Variants in OPCML observed in about 807,000 individuals in gnomAD.
OPCML encodes the protein opioid binding protein/cell adhesion molecule like.
In OPCML, 13 loss-of-function variants were observed where a neutral mutation model predicts 37.8. The ratio of observed to expected loss-of-function variants is 0.34; its 90% CI spans 0.22 to 0.55. OPCML has a LOEUF of 0.55. Ranked by LOEUF, OPCML falls within the 20% of genes least tolerant of loss-of-function variation. OPCML has a pLI of 0.91. For synonymous variants in OPCML, 176 were observed against 168.8 expected, an observed-to-expected ratio of 1.04 and a Z score of -0.33; for missense variants, 341 against 435.6, an observed-to-expected ratio of 0.78 and a Z score of 1.93.
chr11:132,849,698 C>A (rs1392198222), intron 2 of OPCML, among the ~76,000 whole-genome samples: 1 of 152,142 alleles, frequency 6.6e-6, no homozygotes, highest in African/African-American at 2.4e-5. Flanking sequence ...GCAGAGGGAC[C>A]AGTAAGTAGA....
At chr11:133,464,375 C>G (rs1946928353) in intron 1 of OPCML, among the ~76,000 whole-genome samples, 1 of 152,058 alleles carries the variant, frequency 6.6e-6, no homozygotes, top group African/African-American at 2.4e-5. Flanking sequence ...CAAAATAGAG[C>G]TTTCAGTCAA....
At chr11:132,713,526 A>C (rs911163515) in intron 2 of OPCML, among the ~76,000 whole-genome samples, 1 of 152,266 alleles carries the variant, frequency 6.6e-6, no homozygotes, top group Admixed American at 6.5e-5. Context: ...AGGATCTTAT[A>C]GAAAACTTCA....
At chr11:132,941,555 A>G (rs1945578188) in intron 2 of OPCML, among the ~76,000 whole-genome samples, 1 of 152,180 alleles carries the variant, frequency 6.6e-6, no homozygotes, top group South Asian at 2.1e-4. Flanking sequence ...CTGATTCCTC[A>G]TGGGACCTTC....
chr11:133,046,400 G>C (rs146963153), intron 1 of OPCML, among the ~76,000 whole-genome samples: 1 of 152,084 alleles, frequency 6.6e-6, no homozygotes, highest in African/African-American at 2.4e-5. Context: ...GTATCCTGAC[G>C]CCCTTTCTGC....
chr11:132,672,608 A>G (rs779774348), intron 2 of OPCML, among the ~76,000 whole-genome samples: 25 of 152,178 alleles, frequency 1.6e-4, no homozygotes, highest in Non-Finnish European at 2.9e-4. Flanking sequence ...TCTTGAAGCA[A>G]CCGGAAAATC....
intron 1 of OPCML, among the ~76,000 whole-genome samples, chr11:133,169,081 A>G (rs1199362062): frequency 1.3e-5 from 2 of 152,190 alleles, no homozygotes; most frequent in African/African-American, 2.4e-5. Context: ...ATGAGCCGAG[A>G]TCGCGCCATT....
chr11:132,891,032 G>A (rs916435867), intron 2 of OPCML, among the ~76,000 whole-genome samples: 2 of 152,010 alleles, frequency 1.3e-5, no homozygotes, highest in African/African-American at 4.8e-5. Flanking sequence ...GTCCCACATG[G>A]TAGTAGTATG....
At chr11:132,742,845 C>T (rs1012367191) in intron 2 of OPCML, among the ~76,000 whole-genome samples, 6 of 150,830 alleles carry the variant, frequency 4.0e-5, no homozygotes, top group Non-Finnish European at 8.8e-5. Flanking sequence ...ATAATGTATA[C>T]ATATATAATA....
At chr11:133,489,145 A>G (rs922721703) in intron 1 of OPCML, among the ~76,000 whole-genome samples, 1 of 151,930 alleles carries the variant, frequency 6.6e-6, no homozygotes, top group African/African-American at 2.4e-5. Context: ...CCTAAGAAAA[A>G]CTTTTCTGGA....
intron 1 of OPCML, among the ~76,000 whole-genome samples, chr11:133,161,312 T>C (rs142297353): frequency 1.3e-5 from 2 of 152,300 alleles, no homozygotes; most frequent in Admixed American, 6.5e-5. Context: ...ATGAGTGTTA[T>C]TGGAATTTGG....
chr11:132,579,534 A>G (rs2096458085), intron 3 of OPCML, among the ~76,000 whole-genome samples: 1 of 152,092 alleles, frequency 6.6e-6, no homozygotes, highest in Non-Finnish European at 1.5e-5. Context: ...AGAAATGCCA[A>G]GGAAAACCCT....
rs1948919512 is a variant in OPCML, at chr11:133,092,336, G to A, written c.62-149326C>T. 2.0e-5 allele frequency among the ~76,000 whole-genome samples: 3 copies of A among 152,170 alleles called. No individual in the cohort carries two copies. In the South Asian group the frequency reaches 6.2e-4, roughly 32 times the overall value. ...CAGACCAAGGCAACTGATGAAAAGA[G>A]CTGGGCATCTAATACAAGGTCAACA... On this transcript the variant is annotated intron_variant, in intron 1 of 7. Transcript: ENST00000524381.
chr11:132,687,369 CATATATATATATATATATAT>C (rs56834972), intron 2 of OPCML, among the ~76,000 whole-genome samples: 2,693 of 49,264 alleles, frequency 0.055, 76 homozygotes, highest in Admixed American at 0.11. Context: ...CCTTAAGCTA[CATATATATATATATATATAT>C]ATATATATAT....
At chr11:133,380,438 G>A (rs1438682536) in intron 1 of OPCML, among the ~76,000 whole-genome samples, 3 of 151,622 alleles carry the variant, frequency 2.0e-5, no homozygotes, top group African/African-American at 4.8e-5. Context: ...CATTAAGTAC[G>A]GTACTTTGAA....
At chr11:132,570,777 A>ATATATATATATATATATATT (rs2096435696) in intron 3 of OPCML, among the ~76,000 whole-genome samples, 3 of 114,862 alleles carry the variant, frequency 2.6e-5, no homozygotes, top group African/African-American at 1.0e-4. Context: ...ATATATATAT[A>ATATATATATATATATATATT]TATATATATA....
At chr11:133,088,698 G>A (rs1397812189) in intron 1 of OPCML, among the ~76,000 whole-genome samples, 1 of 152,152 alleles carries the variant, frequency 6.6e-6, no homozygotes, top group African/African-American at 2.4e-5. Flanking sequence ...TTAAATGAGA[G>A]TGGAACAATA....
At chr11:133,238,646 G>A (rs1224285125) in intron 1 of OPCML, among the ~76,000 whole-genome samples, 1 of 151,976 alleles carries the variant, frequency 6.6e-6, no homozygotes, top group Non-Finnish European at 1.5e-5. Flanking sequence ...AGAGCCTCCC[G>A]CCCTAAGAAG....
At chr11:133,251,577 T>TGG (rs35847000) in intron 1 of OPCML, among the ~76,000 whole-genome samples, 19 of 134,708 alleles carry the variant, frequency 1.4e-4, no homozygotes, top group African/African-American at 4.9e-4. Context: ...GTTCTTTTTT[T>TGG]GGGGGGGGGA....
intron 1 of OPCML, among the ~76,000 whole-genome samples, chr11:133,442,726 C>CGTGTGTGT (rs371441649): frequency 0.13 from 19,037 of 141,278 alleles, 1,362 homozygotes; most frequent in Admixed American, 0.17. Flanking sequence ...CATATTTAAA[C>CGTGTGTGT]GTGTGTGTGT....
Sources: allele counts gnomAD v4.1 joint callset (sites outside exome capture counted in the v4.1 genomes callset), GRCh38; gene constraint gnomAD v4.1.1; transcripts MANE v1.5; gene names NCBI Gene and HGNC (gene_info 2026-07-23, HGNC 2026-07-21).